Variants in EXTL3 observed in about 807,000 individuals in gnomAD.
EXTL3 encodes the protein exostosin-like 3.
EXTL3 carries 27 observed loss-of-function variants against 69.3 expected under a neutral mutation model. The ratio of observed to expected loss-of-function variants is 0.39; its 90% CI spans 0.29 to 0.54. The LOEUF (loss-of-function observed/expected upper bound fraction) is 0.54, where lower values mean the gene tolerates loss of function less well. Among genes scored for constraint, EXTL3 ranks in the 20% least tolerant of loss-of-function variants. The pLI is 0.69. For missense variants in EXTL3, 1,003 were observed against 1,231.8 expected (o/e 0.81, Z 2.78); for synonymous variants, 511 against 499.4 (o/e 1.02, Z -0.31).
chr8:28,676,670 G>C (rs906082931), intron 1 of EXTL3, among the ~76,000 whole-genome samples: 1 of 152,142 alleles, frequency 6.6e-6, no homozygotes, highest in Non-Finnish European at 1.5e-5. Flanking sequence ...ATGAGATCAC[G>C]TAGGGAAATG....
At chr8:28,655,692 CTA>C (rs1369232550) in intron 1 of EXTL3, among the ~76,000 whole-genome samples, 3 of 151,938 alleles carry the variant, frequency 2.0e-5, no homozygotes, top group African/African-American at 7.3e-5. Context: ...CAAGGTTTTG[CTA>C]TGTTTCCTAG....
intron 5 of EXTL3, among the ~76,000 whole-genome samples, chr8:28,739,566 A>G (rs1801732702): frequency 1.3e-5 from 2 of 152,128 alleles, no homozygotes; most frequent in Non-Finnish European, 2.9e-5. Flanking sequence ...CCTGGACTCA[A>G]GCGATCTGCC....
At chr8:28,730,399 C>T (rs1384218740) in intron 3 of EXTL3, among the ~76,000 whole-genome samples, 1 of 152,150 alleles carries the variant, frequency 6.6e-6, no homozygotes, top group Non-Finnish European at 1.5e-5. Flanking sequence ...AATGAGCCAT[C>T]CAAGTACTGG....
intron 1 of EXTL3, among the ~76,000 whole-genome samples, chr8:28,683,297 A>G (rs540738215): frequency 1.3e-5 from 2 of 151,804 alleles, no homozygotes; most frequent in Non-Finnish European, 3.0e-5. Flanking sequence ...TGTCATTGGA[A>G]TTTGGATAGG....
At chr8:28,620,643 G>T (rs1051648875), upstream of EXTL3, among the ~76,000 whole-genome samples, 1 of 152,222 alleles carries the variant, frequency 6.6e-6, no homozygotes. Flanking sequence ...GGCCAGAAAG[G>T]TGTTAAACAG....
intron 1 of EXTL3, among the ~76,000 whole-genome samples, chr8:28,644,866 G>T (rs1806804130): frequency 6.6e-6 from 1 of 152,142 alleles, no homozygotes; most frequent in African/African-American, 2.4e-5. Context: ...GCTTCTCAAG[G>T]ACTAGTACTG....
intron 1 of EXTL3, among the ~76,000 whole-genome samples, chr8:28,644,723 G>A (rs182691408): frequency 4.6e-5 from 7 of 152,238 alleles, no homozygotes; most frequent in Admixed American, 2.0e-4. Flanking sequence ...GTATCTTTTC[G>A]TTATGATTCC....
intron 1 of EXTL3, among the ~76,000 whole-genome samples, chr8:28,657,077 G>A (rs1452126885): frequency 3.3e-5 from 5 of 151,762 alleles, no homozygotes; most frequent in African/African-American, 7.3e-5. Context: ...AACTACAGGC[G>A]CCCACCACCA....
intron 2 of EXTL3, among the ~76,000 whole-genome samples, chr8:28,607,974 G>A (rs796631128): frequency 1.3e-5 from 2 of 151,930 alleles, no homozygotes; most frequent in Non-Finnish European, 2.9e-5. Context: ...GCCAGGCGTG[G>A]TGGTGGGCGC....
chr8:28,659,477 C>T (rs1279789492), intron 1 of EXTL3, among the ~76,000 whole-genome samples: 1 of 152,162 alleles, frequency 6.6e-6, no homozygotes, highest in Admixed American at 6.5e-5. Flanking sequence ...GAACTGATTT[C>T]GATTTCTCTC....
At chr8:28,706,751 CTTAT>C (rs910823599) in intron 1 of EXTL3, among the ~76,000 whole-genome samples, 65 of 152,064 alleles carry the variant, frequency 4.3e-4, no homozygotes, top group African/African-American at 1.5e-3. Context: ...TGTGTAACTT[CTTAT>C]TTATGTCCGT....
chr8:28,649,712 A>G (rs1468841645), intron 1 of EXTL3, among the ~76,000 whole-genome samples: 2 of 151,158 alleles, frequency 1.3e-5, no homozygotes, highest in Non-Finnish European at 3.0e-5. Flanking sequence ...TGTGTAGATA[A>G]GTTTAATTTT....
chr8:28,652,076 C>T lies in EXTL3; in HGVS notation c.-53+29266C>T, dbSNP rs553672161. Reference sequence around the variant, plus strand: ...GTGTGTGTGTATGTATACTGAACCACGTTTTGTTTCTTCCCATGTTGGGCA... The same window carrying T: ...GTGTGTGTGTATGTATACTGAACCATGTTTTGTTTCTTCCCATGTTGGGCA... On this transcript the variant is annotated intron_variant, in intron 1 of 6. Coordinates refer to the EXTL3 transcript ENST00000523149. Among the ~76,000 whole-genome samples, 4 of 147,266 alleles carry T rather than the reference C, an allele frequency of 2.7e-5. No individual in the cohort carries two copies. The South Asian group carries it at 6.3e-4, about 23-fold the overall frequency.
intron 1 of EXTL3, among the ~76,000 whole-genome samples, chr8:28,712,851 A>G (rs1185027391): frequency 6.6e-6 from 1 of 152,198 alleles, no homozygotes; most frequent in Admixed American, 6.5e-5. Flanking sequence ...ATATTAGACT[A>G]ACTATAGTCA....
intron 1 of EXTL3, among the ~76,000 whole-genome samples, chr8:28,635,802 T>C (rs1434709414): frequency 1.3e-5 from 2 of 152,032 alleles, no homozygotes; most frequent in East Asian, 3.9e-4. Context: ...CAAGGCTACA[T>C]TGTAATTCAG....
intron 1 of EXTL3, among the ~76,000 whole-genome samples, chr8:28,648,119 C>A (rs1806864102): frequency 6.6e-6 from 1 of 152,096 alleles, no homozygotes; most frequent in Non-Finnish European, 1.5e-5. Context: ...TGTATTTATT[C>A]TTTACTGATT....
intron 1 of EXTL3, among the ~76,000 whole-genome samples, chr8:28,647,428 T>C (rs926448708): frequency 1.3e-5 from 2 of 152,212 alleles, no homozygotes; most frequent in African/African-American, 2.4e-5. Flanking sequence ...TGTGGAATGA[T>C]TGCCTGCATA....
At chr8:28,624,343 T>A (rs564403695) in intron 1 of EXTL3, among the ~76,000 whole-genome samples, 1 of 152,076 alleles carries the variant, frequency 6.6e-6, no homozygotes, top group African/African-American at 2.4e-5. Flanking sequence ...GTGGGAGGAT[T>A]GCTTGAGCTC....
At chr8:28,688,044 A>C (rs1800552887) in intron 1 of EXTL3, among the ~76,000 whole-genome samples, 1 of 150,730 alleles carries the variant, frequency 6.6e-6, no homozygotes, top group African/African-American at 2.4e-5. Context: ...AGTGAATGAC[A>C]GTAGAGAAGA....
Sources: gnomAD v4.1 joint callset for allele counts (sites outside exome capture counted in the v4.1 genomes callset) on GRCh38, gnomAD v4.1.1 for gene constraint, MANE v1.5 for transcripts, NCBI Gene and HGNC (gene_info 2026-07-23, HGNC 2026-07-21) for gene names.